ARFGAP3: variants seen among roughly 807,000 people sequenced by gnomAD.
ARFGAP3 encodes ADP-ribosylation factor GTPase-activating protein 3.
Under a neutral mutation model 75.0 loss-of-function variants are expected in ARFGAP3, and 72 were observed. The observed-to-expected ratio is 0.96, with a 90% confidence interval of 0.79 to 1.17. The LOEUF is 1.17. Ranked by LOEUF, ARFGAP3 falls within the 50% of genes most tolerant of loss-of-function variation. ARFGAP3 has a pLI of 0.00. For missense variants in ARFGAP3, 620 were observed against 626.6 expected (o/e 0.99, Z 0.11); for synonymous variants, 221 against 217.9 (o/e 1.01, Z -0.13).
At chr22:42,808,952 A>G (rs1365728158) in intron 12 of ARFGAP3, 62 bp from the exon 13 acceptor site, 5 of 1,389,242 alleles carry the variant, frequency 3.6e-6, no homozygotes, top group Non-Finnish European at 3.8e-6. Context: ...TGTGTTTCAT[A>G]CTCATTTTAT....
rs147578175 is a variant in ARFGAP3, at chr22:42,810,709, G to A, written c.1196+104C>T. The A allele has an allele frequency of 6.3e-4, 611 of 972,022 alleles. 4 individuals are homozygous for A. In the African/African-American group the frequency reaches 7.8e-3, roughly 12 times the overall value. The allele number at this position is 972,022 out of a possible 1,614,324, so 60.2% of individuals were successfully genotyped here. ...GCTGGGATTATGGGAATGAGCCGCCGTGCCCAGCCCCTTACAAGGGTTTTC... is the reference window on the plus strand; with the variant it reads ...GCTGGGATTATGGGAATGAGCCGCCATGCCCAGCCCCTTACAAGGGTTTTC... On this transcript the variant is annotated intron_variant, in intron 12 of 15. Transcript: ENST00000263245.
intron 2 of ARFGAP3, among the ~76,000 whole-genome samples, chr22:42,841,930 G>C (rs942469855): frequency 6.8e-6 from 1 of 147,742 alleles, no homozygotes; most frequent in Non-Finnish European, 1.5e-5. Flanking sequence ...TGTGATCACA[G>C]CTCATTGCAG....
chr22:42,820,366 C>T (rs892166517), intron 9 of ARFGAP3, among the ~76,000 whole-genome samples: 3 of 128,438 alleles, frequency 2.3e-5, no homozygotes, highest in Non-Finnish European at 3.7e-5. Context: ...TCAGTGCTGC[C>T]CCCTATGTTC....
intron 2 of ARFGAP3, among the ~76,000 whole-genome samples, chr22:42,842,407 CAG>C (rs1926826624): frequency 6.7e-6 from 1 of 149,802 alleles, no homozygotes; most frequent in Admixed American, 6.7e-5. Context: ...CTCAGCCTCT[CAG>C]TGTTGGGATT....
In ARFGAP3 at chr22:42,796,682, C is replaced by A. The variant is rs1012543724; in HGVS notation, c.*906G>T. On this transcript the variant is annotated 3_prime_UTR_variant, in exon 16 of 16. Coordinates refer to ENST00000263245, the MANE Select transcript of ARFGAP3 (RefSeq NM_014570.5). ...ATATATTCTAATGCTGTCTAAAACA[C>A]AGCTAAATTATTTTTCTTTATTTGT... 5 of 152,188 alleles carry A rather than the reference C, an allele frequency of 3.3e-5. No individual in the cohort carries two copies. Among genetic ancestry groups the A allele is most frequent in the Admixed American group, 2.6e-4 (4 of 15,276 alleles). 9.4% of individuals were successfully genotyped at this position (152,188 alleles called of 1,614,324 possible).
Position 42,817,864 on chromosome 22 carries a change from G to GAA in ARFGAP3, c.813-9_813-8dup. Reference sequence around the variant, plus strand: ...TAATCGTAATGATGAAACACTGCCAGAAAAACCAAATACTCCTTAATTTAG... The same window carrying GAA: ...TAATCGTAATGATGAAACACTGCCAGAAAAAAACCAAATACTCCTTAATTTAG... On this transcript the variant is annotated splice_region_variant and splice_polypyrimidine_tract_variant and intron_variant, in intron 9 of 15. Coordinates refer to ENST00000263245, the MANE Select transcript of ARFGAP3 (RefSeq NM_014570.5). 1 of 1,586,942 alleles carries GAA rather than the reference G, an allele frequency of 6.3e-7. No individual in the cohort carries two copies. Among genetic ancestry groups the GAA allele is most frequent in the Non-Finnish European group, 8.6e-7 (1 of 1,166,136 alleles).
chr22:42,835,490 A>G lies in ARFGAP3; in HGVS notation c.265T>C (p.Ser89Pro). Reference protein sequence around the residue: ...MQVGGNASASSFFHQHGCSTN... With the variant: ...MQVGGNASASPFFHQHGCSTN... ...GAACACCCATGTTGATGAAAAAAGG[A>G]AGACTACAGAGAAAAGCATGCACAT... is the stretch of plus-strand genomic sequence containing the variant. The change falls in exon 4 of 16, where the codon TCC becomes CCC. Residue 89 changes from serine (S) to proline (P), a missense_variant. Physicochemically the swap from Ser to Pro is moderately conservative, Grantham distance 74. Transcript: ENST00000263245. 1 of 1,613,786 alleles carries G rather than the reference A, an allele frequency of 6.2e-7. No individual in the cohort carries two copies. The highest frequency in any genetic ancestry group is 8.5e-7 in the Non-Finnish European group (1 of 1,179,774).
chr22:42,819,398 GT>G (rs1925715942), intron 9 of ARFGAP3, among the ~76,000 whole-genome samples: 1 of 152,216 alleles, frequency 6.6e-6, no homozygotes, highest in African/African-American at 2.4e-5. Context: ...AGATGGAAAA[GT>G]TTTCCTTCCT....
chr22:42,856,365 TGACGC>T (rs993360082), intron 1 of ARFGAP3, among the ~76,000 whole-genome samples: 10 of 152,204 alleles, frequency 6.6e-5, no homozygotes, highest in African/African-American at 2.4e-4. Flanking sequence ...GAGCCCACGC[TGACGC>T]GACAGCCCTT....
At chr22:42,813,719 A>C (rs1007635593) in intron 11 of ARFGAP3, among the ~76,000 whole-genome samples, 1 of 152,150 alleles carries the variant, frequency 6.6e-6, no homozygotes, top group Non-Finnish European at 1.5e-5. Flanking sequence ...GGAGCAACTC[A>C]GTAGGAGGAC....
intron 7 of ARFGAP3, among the ~76,000 whole-genome samples, chr22:42,826,638 G>A (rs780002797): frequency 6.6e-6 from 1 of 151,976 alleles, no homozygotes; most frequent in Admixed American, 6.6e-5. Flanking sequence ...GGGCTCAAGC[G>A]ATCTGACCAC....
At chr22:42,851,912 G>A (rs1296705345) in intron 1 of ARFGAP3, among the ~76,000 whole-genome samples, 1 of 152,062 alleles carries the variant, frequency 6.6e-6, no homozygotes. Context: ...TCCTAACAAC[G>A]CTTTCATTAG....
chr22:42,845,123 A>G (rs2146580970), intron 2 of ARFGAP3, among the ~76,000 whole-genome samples: 1 of 152,354 alleles, frequency 6.6e-6, no homozygotes, highest in African/African-American at 2.4e-5. Flanking sequence ...GGGAAAGAAC[A>G]CAGTAAAGAC....
Position 42,835,346 on chromosome 22 carries a change from G to GCCTC in ARFGAP3, c.393+12_393+15dup. On this transcript the variant is annotated intron_variant, in intron 4 of 15. Transcript: ENST00000263245. Reference sequence around the variant, plus strand: ...ACATGTATCTAAAGGAAACAATCCAGCCTCCAGTGACTTACATCAGTGCCA... The same window carrying GCCTC: ...ACATGTATCTAAAGGAAACAATCCAGCCTCCCTCCAGTGACTTACATCAGTGCCA... 6.2e-7 allele frequency: 1 copy of GCCTC among 1,611,880 alleles called. No individual in the cohort carries two copies. Among genetic ancestry groups the GCCTC allele is most frequent in the Non-Finnish European group, 8.5e-7 (1 of 1,179,210 alleles).
At chr22:42,800,294 C>T (rs1374966418) in intron 14 of ARFGAP3, among the ~76,000 whole-genome samples, 1 of 152,194 alleles carries the variant, frequency 6.6e-6, no homozygotes, top group Non-Finnish European at 1.5e-5. Flanking sequence ...CTCTGGGAGG[C>T]TGAGGTGGGA....
intron 6 of ARFGAP3, 135 bp from the exon 7 acceptor site, chr22:42,827,134 T>C: frequency 7.4e-7 from 1 of 1,346,408 alleles, no homozygotes; most frequent in Non-Finnish European, 9.6e-7. Context: ...TTTAGCTGTA[T>C]ATTCTATTTT....
At chr22:42,836,381 C>G (rs1285725448) in intron 3 of ARFGAP3, among the ~76,000 whole-genome samples, 1 of 152,066 alleles carries the variant, frequency 6.6e-6, no homozygotes, top group Non-Finnish European at 1.5e-5. Context: ...TCAAGCAATC[C>G]TCTCACCGTG....
chr22:42,844,283 A>T (rs527929415), intron 2 of ARFGAP3, among the ~76,000 whole-genome samples: 1 of 152,134 alleles, frequency 6.6e-6, no homozygotes, highest in South Asian at 2.1e-4. Flanking sequence ...AGCTCACTGC[A>T]GCCTCAAACT....
intron 2 of ARFGAP3, chr22:42,847,169 C>CTT (rs11374149): frequency 1.6e-3 from 265 of 164,274 alleles, no homozygotes; most frequent in South Asian, 4.8e-3. Flanking sequence ...TTCTTTCTTT[C>CTT]TTTTTTTTTT....
Sources: gnomAD v4.1 joint callset for allele counts (sites outside exome capture counted in the v4.1 genomes callset) on GRCh38, gnomAD v4.1.1 for gene constraint, MANE v1.5 for transcripts, NCBI Gene and HGNC (gene_info 2026-07-23, HGNC 2026-07-21) for gene names.